Variants in TANC2 observed in about 807,000 individuals in gnomAD.
The protein encoded by TANC2 is protein TANC2.
TANC2 carries 26 observed loss-of-function variants against 210.5 expected under a neutral mutation model. That is an observed-to-expected ratio of 0.12 (90% CI 0.09 to 0.17). TANC2 has a LOEUF of 0.17. Ranked by LOEUF, TANC2 falls within the 10% of genes least tolerant of loss-of-function variation. The pLI is 1.00. For synonymous variants in TANC2, 931 were observed against 967.1 expected (o/e 0.96, Z 0.69); for missense variants, 2,129 against 2,608.9 (o/e 0.82, Z 4.01).
chr17:63,301,546 A>G (rs544666119), intron 9 of TANC2, among the ~76,000 whole-genome samples: 123 of 152,156 alleles, frequency 8.1e-4, no homozygotes, highest in African/African-American at 2.8e-3. Context: ...TTTCTTCTAG[A>G]TTTTGTAGTT....
chr17:63,091,730 T>G (rs1435161940), intron 3 of TANC2, among the ~76,000 whole-genome samples: 1 of 152,174 alleles, frequency 6.6e-6, no homozygotes, highest in African/African-American at 2.4e-5. Flanking sequence ...TTAAAGTAGT[T>G]TTTTCCAATT....
intron 8 of TANC2, among the ~76,000 whole-genome samples, chr17:63,256,431 G>A (rs1567858391): frequency 6.6e-6 from 1 of 151,234 alleles, no homozygotes; most frequent in East Asian, 1.9e-4. Context: ...TGTTACTCAT[G>A]TCTAGTTTTA....
chr17:63,406,186 T>A, exon 21 of TANC2: 3 of 1,613,966 alleles, frequency 1.9e-6, no homozygotes, highest in Non-Finnish European at 2.5e-6. Context: ...ATGGAGCTGA[T>A]GTCAACATGG....
At chr17:63,168,133 C>T (rs1049657538) in intron 5 of TANC2, among the ~76,000 whole-genome samples, 5 of 151,866 alleles carry the variant, frequency 3.3e-5, no homozygotes, top group Admixed American at 6.6e-5. Context: ...TTTGGGAGGA[C>T]GAAGTAGAAG....
chr17:63,339,635 C>A (rs1181881699), intron 11 of TANC2, among the ~76,000 whole-genome samples: 1 of 152,120 alleles, frequency 6.6e-6, no homozygotes, highest in Non-Finnish European at 1.5e-5. Context: ...TATAACACAC[C>A]TGTAATCCAA....
intron 2 of TANC2, among the ~76,000 whole-genome samples, chr17:63,050,743 G>A (rs1009042416): frequency 6.6e-6 from 1 of 152,228 alleles, no homozygotes; most frequent in African/African-American, 2.4e-5. Flanking sequence ...AGAACTGACT[G>A]TTGGACTTAA....
chr17:63,278,309 C>T (rs2043951462), intron 9 of TANC2, among the ~76,000 whole-genome samples: 1 of 152,004 alleles, frequency 6.6e-6, no homozygotes, highest in African/African-American at 2.4e-5. Flanking sequence ...TAAAAATGGA[C>T]AAAGGACTTA....
At chr17:63,417,230 A>T (rs952756150) in intron 26 of TANC2, among the ~76,000 whole-genome samples, 44 of 152,062 alleles carry the variant, frequency 2.9e-4, no homozygotes, top group African/African-American at 1.2e-4. Flanking sequence ...CTTTTAAAAA[A>T]TTTTTTTACC....
chr17:63,047,899 T>C (rs2144343783), intron 2 of TANC2, among the ~76,000 whole-genome samples: 1 of 152,278 alleles, frequency 6.6e-6, no homozygotes, highest in Admixed American at 6.5e-5. Flanking sequence ...GTATTTTTAA[T>C]GTTAGATTTG....
At chr17:63,010,650 A>C (rs910841060) in intron 2 of TANC2, among the ~76,000 whole-genome samples, 5 of 152,092 alleles carry the variant, frequency 3.3e-5, no homozygotes, top group African/African-American at 1.2e-4. Context: ...TCCCCAGGTT[A>C]CCCACAACCT....
Position 63,418,452 on chromosome 17 carries a change from A to G in TANC2, c.4268+45A>G, listed in dbSNP as rs1452328047. 21 of 1,575,498 alleles carry G rather than the reference A, an allele frequency of 1.3e-5. No individual in the cohort carries two copies. The highest frequency in any genetic ancestry group is 1.6e-5 in the Non-Finnish European group (19 of 1,159,262). On this transcript the variant is annotated intron_variant, in intron 27 of 27. Transcript: ENST00000689528. This position sits in a 1 kb window ranked among gnomAD's most constrained non-coding sequence, Gnocchi z 4.6. ...GTGAAAGCAAGAGGTCTCTTTTCTG[A>G]AAATTTGGCCAAGGCAGCGTCGGCC... is the stretch of plus-strand genomic sequence containing the variant.
At chr17:63,055,980 AAAAAAAAAAAATATATATAT>A (rs1328413834) in intron 2 of TANC2, among the ~76,000 whole-genome samples, 764 of 26,488 alleles carry the variant, frequency 0.029, 7 homozygotes, top group African/African-American at 0.059. Context: ...AAAAAAAAAA[AAAAAAAAAAAATATATATAT>A]ATATATATAT....
At chr17:63,090,214 A>AG (rs1407733229) in intron 3 of TANC2, among the ~76,000 whole-genome samples, 5 of 102,184 alleles carry the variant, frequency 4.9e-5, no homozygotes, top group Admixed American at 9.0e-5. Flanking sequence ...TTTTTTTTTG[A>AG]GTTTTTTTTT....
At position 63,420,415 on chromosome 17, in the gene TANC2, C is replaced by G; in HGVS notation, c.4685C>G (p.Thr1562Ser). Residue 1562 changes from threonine to serine, a missense_variant, in exon 28 of 28, where the codon ACT becomes AGT. Physicochemically the swap from Thr to Ser is moderately conservative, Grantham distance 58. This residue lies in a region of TANC2 where 584 missense variants were observed against 627.3 expected (regional missense o/e 0.93). Coordinates refer to ENST00000689528, the Ensembl canonical transcript of TANC2. This position sits in a 1 kb window ranked among gnomAD's most constrained non-coding sequence, Gnocchi z 4.2. ...TCCAGTAGTTCTGTAGGCTCTCCCA[C>G]TAGACAGACCTATCAGTCCACCTCA... The G allele has an allele frequency of 6.2e-7, 1 of 1,614,004 alleles. No individual in the cohort carries two copies.
At chr17:63,040,302 G>A (rs528768150) in intron 2 of TANC2, among the ~76,000 whole-genome samples, 1 of 152,270 alleles carries the variant, frequency 6.6e-6, no homozygotes, top group South Asian at 2.1e-4. Flanking sequence ...TCTGTCCTTG[G>A]TTTCTTGAAC....
chr17:63,083,345 A>G (rs2036846408), intron 3 of TANC2, among the ~76,000 whole-genome samples: 1 of 152,226 alleles, frequency 6.6e-6, no homozygotes, highest in African/African-American at 2.4e-5. Context: ...CTCCTGGGAT[A>G]AGAGAAAAAG....
chr17:63,123,255 C>G (rs1567741932), intron 4 of TANC2, among the ~76,000 whole-genome samples: 1 of 152,044 alleles, frequency 6.6e-6, no homozygotes, highest in South Asian at 2.1e-4. Context: ...GGTGGTAGGA[C>G]GATATAAGAG....
chr17:63,269,008 T>C (rs969517154), intron 9 of TANC2, among the ~76,000 whole-genome samples: 7 of 152,170 alleles, frequency 4.6e-5, no homozygotes, highest in Non-Finnish European at 8.8e-5. Context: ...AGCTCTCCTC[T>C]TCACCCCTTG....
chr17:63,093,009 G>T (rs1456343384), intron 3 of TANC2, among the ~76,000 whole-genome samples: 1 of 152,080 alleles, frequency 6.6e-6, no homozygotes, highest in African/African-American at 2.4e-5. Flanking sequence ...TATGTGTTTT[G>T]CAAGTATTTT....
Sources: allele counts gnomAD v4.1 joint callset (sites outside exome capture counted in the v4.1 genomes callset), GRCh38; gene constraint gnomAD v4.1.1; regional missense constraint gnomAD v4.1.1; non-coding constraint Gnocchi (gnomAD v3.1); transcripts MANE v1.5; gene names NCBI Gene and HGNC (gene_info 2026-07-23, HGNC 2026-07-21).